The following FAM120A variants were observed in gnomAD, a reference collection of about 807,000 sequenced individuals.
The protein encoded by FAM120A is constitutive coactivator of PPAR-gamma-like protein 1.
In FAM120A, 15 loss-of-function variants were observed where a neutral mutation model predicts 109.7. The ratio of observed to expected loss-of-function variants is 0.14; its 90% CI spans 0.09 to 0.21. The LOEUF is 0.21. Ranked by LOEUF, FAM120A falls within the 10% of genes least tolerant of loss-of-function variation. The probability of loss-of-function intolerance (pLI) is 1.00; values close to 1 mark genes in which losing one functional copy is unlikely to be tolerated. For synonymous variants in FAM120A, 493 were observed against 572.8 expected (o/e 0.86, Z 1.99); for missense variants, 899 against 1,439.3 (o/e 0.62, Z 6.07).
intron 5 of FAM120A, among the ~76,000 whole-genome samples, chr9:93,511,707 A>T (rs1490514336): frequency 1.2e-4 from 18 of 152,312 alleles, no homozygotes; most frequent in African/African-American, 4.1e-4. Context: ...GGTGGTAGGG[A>T]TTATATTGAT....
intron 5 of FAM120A, among the ~76,000 whole-genome samples, chr9:93,506,733 G>T (rs558126707): frequency 2.0e-5 from 3 of 152,170 alleles, no homozygotes; most frequent in South Asian, 4.1e-4. Context: ...GAGTAGCTGG[G>T]ATTACAGGTG....
Position 93,558,717 on chromosome 9 carries a change from C to A in FAM120A, c.2805C>A (p.Gly935=). 2 of 1,613,588 alleles carry A rather than the reference C, an allele frequency of 1.2e-6. No individual in the cohort carries two copies. The highest frequency in any genetic ancestry group is 1.7e-6 in the Non-Finnish European group (2 of 1,179,830). The stretch of plus-strand genomic sequence containing the variant: ...GCAGCAGGACTAGCAAGTCCCAGGG[C>A]GGTAATTATACCCACCCCTTCCCAG... ...SDSSRTSKSQ[G]GVQPIPSQGG... Residue 935 remains glycine, a splice_region_variant and synonymous_variant, in exon 15 of 18, where the codon GGC becomes GGA. Transcript: ENST00000277165.
chr9:93,525,655 C>T (rs943653124), intron 7 of FAM120A, among the ~76,000 whole-genome samples: 3 of 152,236 alleles, frequency 2.0e-5, no homozygotes, highest in Non-Finnish European at 4.4e-5. Context: ...CATGCTCATC[C>T]ACCTCCTGAG....
At chr9:93,560,980 A>G in intron 15 of FAM120A, 129 bp from the exon 16 acceptor site, 1 of 1,008,344 alleles carries the variant, frequency 9.9e-7, no homozygotes. Flanking sequence ...AAAATTGTAC[A>G]AAACAGGAGA....
intron 3 of FAM120A, among the ~76,000 whole-genome samples, chr9:93,492,789 T>C (rs1859386564): frequency 6.6e-6 from 1 of 152,188 alleles, no homozygotes; most frequent in Non-Finnish European, 1.5e-5. Flanking sequence ...GGGGACACTT[T>C]AATTATAGCA....
chr9:93,554,381 C>G (rs996029808), intron 12 of FAM120A, among the ~76,000 whole-genome samples: 2 of 152,122 alleles, frequency 1.3e-5, no homozygotes, highest in Non-Finnish European at 2.9e-5. Context: ...TAAGAAACAC[C>G]TGCAGGGGCT....
intron 10 of FAM120A, among the ~76,000 whole-genome samples, chr9:93,538,802 T>G (rs982756163): frequency 1.3e-5 from 2 of 152,184 alleles, no homozygotes; most frequent in Non-Finnish European, 2.9e-5. Context: ...TTATAACAGA[T>G]TTCCAAGGTG....
intron 11 of FAM120A, among the ~76,000 whole-genome samples, chr9:93,548,255 C>T (rs938998178): frequency 1.6e-4 from 24 of 152,106 alleles, no homozygotes; most frequent in African/African-American, 5.8e-4. Context: ...AGGTGCCCGC[C>T]ACCACGCCCG....
chr9:93,536,483 G>A (rs1163567213), intron 10 of FAM120A, among the ~76,000 whole-genome samples: 1 of 152,214 alleles, frequency 6.6e-6, no homozygotes, highest in African/African-American at 2.4e-5. Context: ...TAACAATAAA[G>A]AATGTCCCAA....
chr9:93,537,900 AG>A (rs772017850), intron 10 of FAM120A, among the ~76,000 whole-genome samples: 4 of 152,170 alleles, frequency 2.6e-5, no homozygotes, highest in Non-Finnish European at 5.9e-5. Flanking sequence ...GCTTTCTAGG[AG>A]CAGCATTGAG....
chr9:93,475,995 A>G (rs1360403529), intron 2 of FAM120A, among the ~76,000 whole-genome samples: 1 of 152,118 alleles, frequency 6.6e-6, no homozygotes, highest in Non-Finnish European at 1.5e-5. Flanking sequence ...GTTTATTTTT[A>G]ATACTGTGCT....
intron 10 of FAM120A, among the ~76,000 whole-genome samples, chr9:93,534,321 T>A (rs776274106): frequency 6.6e-6 from 1 of 152,128 alleles, no homozygotes; most frequent in Non-Finnish European, 1.5e-5. Context: ...GGTGTCAGAC[T>A]GCCCCGACCT....
At chr9:93,561,395 T>G (rs572534059) in intron 16 of FAM120A, 145 bp downstream of exon 16, 1 of 731,030 alleles carries the variant, frequency 1.4e-6, no homozygotes, top group African/African-American at 1.9e-5. Flanking sequence ...TTATTTAGTT[T>G]TTATTTATTT....
At chr9:93,538,790 C>T (rs1444111854) in intron 10 of FAM120A, among the ~76,000 whole-genome samples, 5 of 152,204 alleles carry the variant, frequency 3.3e-5, no homozygotes. Context: ...CCAAAGTCAG[C>T]ATTATAACAG....
chr9:93,468,819 A>G (rs1223374139), intron 1 of FAM120A, among the ~76,000 whole-genome samples: 2 of 152,026 alleles, frequency 1.3e-5, no homozygotes, highest in African/African-American at 4.8e-5. Context: ...TATTTCCTGG[A>G]GTGAGGTTAC....
intron 7 of FAM120A, among the ~76,000 whole-genome samples, chr9:93,526,904 A>G (rs551857616): frequency 6.6e-6 from 1 of 152,342 alleles, no homozygotes; most frequent in Admixed American, 6.5e-5. Flanking sequence ...AGCAAATCAC[A>G]GACCATCTCT....
chr9:93,503,750 C>T (rs1266274217), intron 5 of FAM120A, among the ~76,000 whole-genome samples: 1 of 151,952 alleles, frequency 6.6e-6, no homozygotes, highest in African/African-American at 2.4e-5. Flanking sequence ...CCAGGTTTGG[C>T]TCATTGGTTG....
At chr9:93,486,918 C>T (rs1222146900) in intron 3 of FAM120A, among the ~76,000 whole-genome samples, 3 of 152,182 alleles carry the variant, frequency 2.0e-5, no homozygotes, top group African/African-American at 7.2e-5. Context: ...TGTAAAGGTT[C>T]TGATTTCTCC....
At chr9:93,503,318 C>T (rs59483310) in intron 5 of FAM120A, among the ~76,000 whole-genome samples, 31,583 of 152,088 alleles carry the variant, frequency 0.21, 4,224 homozygotes, top group African/African-American at 0.38. Context: ...TAATAGCCAA[C>T]GCTTGGAGGC....
Sources: gnomAD v4.1 joint callset for allele counts (sites outside exome capture counted in the v4.1 genomes callset) on GRCh38, gnomAD v4.1.1 for gene constraint, MANE v1.5 for transcripts, NCBI Gene and HGNC (gene_info 2026-07-23, HGNC 2026-07-21) for gene names.